Variants in FRMD6 observed in about 807,000 individuals in gnomAD.
FRMD6 encodes the protein FERM domain containing 6, also known as FERM domain-containing protein 6.
In FRMD6, 37 loss-of-function variants were observed where a neutral mutation model predicts 73.2. The observed-to-expected ratio is 0.51, with a 90% CI of 0.39 to 0.66. The LOEUF is 0.66. Among genes scored for constraint, FRMD6 ranks in the 30% least tolerant of loss-of-function variants. The pLI, the probability that FRMD6 is intolerant of heterozygous loss-of-function variation, is 0.00. For synonymous variants in FRMD6, 273 were observed against 282.2 expected, an observed-to-expected ratio of 0.97 and a Z score of 0.33; for missense variants, 714 against 780.5, an observed-to-expected ratio of 0.91 and a Z score of 1.02.
the FRMD6 span, among the ~76,000 whole-genome samples, chr14:51,416,042 T>A: frequency 6.6e-6 from 1 of 152,206 alleles, no homozygotes; most frequent in African/African-American, 2.4e-5. Context: ...TTCTTCTCTC[T>A]TTTCTTCTTT....
intron 5 of FRMD6, among the ~76,000 whole-genome samples, chr14:51,704,070 G>A (rs1156824236): frequency 6.6e-6 from 1 of 151,900 alleles, no homozygotes; most frequent in Non-Finnish European, 1.5e-5. Flanking sequence ...TCCTTTTGTG[G>A]GGAGTATAAT....
intron 2 of FRMD6, among the ~76,000 whole-genome samples, chr14:51,693,260 C>T (rs570782510): frequency 6.6e-6 from 1 of 152,284 alleles, no homozygotes; most frequent in South Asian, 2.1e-4. Context: ...GATTAACACT[C>T]AGCATAATTT....
Position 51,715,648 on chromosome 14 carries a change from A to G in FRMD6, c.1024+149A>G, listed in dbSNP as rs368674956. On this transcript the variant is annotated intron_variant, in intron 10 of 13. Transcript: ENST00000344768. ...GCAGCATTACTATTTACATCTCAGTATTTCCAGAAGGCAAAGGGTTAGGCT... is the reference window on the plus strand; with the variant it reads ...GCAGCATTACTATTTACATCTCAGTGTTTCCAGAAGGCAAAGGGTTAGGCT... The G allele has an allele frequency of 2.2e-4, 128 of 574,912 alleles. No homozygotes were observed. In the African/African-American group the frequency reaches 2.3e-3, roughly 10 times the overall value. The allele number at this position is 574,912 out of a possible 1,614,324, so 35.6% of individuals were successfully genotyped here.
chr14:51,558,706 G>T (rs1488405377), intron 1 of FRMD6, among the ~76,000 whole-genome samples: 1 of 151,900 alleles, frequency 6.6e-6, no homozygotes, highest in African/African-American at 2.4e-5. Flanking sequence ...ATGAATATCA[G>T]TTACTATATA....
the FRMD6 span, among the ~76,000 whole-genome samples, chr14:51,410,377 A>T: frequency 6.6e-6 from 1 of 152,204 alleles, no homozygotes; most frequent in Non-Finnish European, 1.5e-5. Flanking sequence ...TTTTTCTGTC[A>T]TACCTATGGA....
In FRMD6 at chr14:51,713,458, C is replaced by CA. The variant is rs5808631; in HGVS notation, c.849+926dup. The stretch of plus-strand genomic sequence containing the variant: ...AGGTAACAAGAGTGCAACTCCATCT[C>CA]AAAAAAAAAAAAAAAAAAATCGTAG... On this transcript the variant is annotated intron_variant, in intron 9 of 13. Coordinates refer to ENST00000344768, the MANE Select transcript of FRMD6 (RefSeq NM_001267046.2). 4.4e-3 allele frequency among the ~76,000 whole-genome samples: 496 copies of CA among 111,800 alleles called. 3 individuals carry two copies. The highest frequency in any genetic ancestry group is 0.027 in the East Asian group (103 of 3,808). The allele number at this position is 111,800 out of a possible 152,430, so 73.3% of individuals were successfully genotyped here.
At chr14:51,477,904 A>G in the FRMD6 span, among the ~76,000 whole-genome samples, 2 of 151,836 alleles carry the variant, frequency 1.3e-5, no homozygotes, top group Non-Finnish European at 2.9e-5. Flanking sequence ...CATGCTGGCT[A>G]ATTTTGTATT....
chr14:51,675,310 G>A (rs1894310164), intron 1 of FRMD6, among the ~76,000 whole-genome samples: 2 of 152,024 alleles, frequency 1.3e-5, no homozygotes, highest in Admixed American at 6.6e-5. Flanking sequence ...TGTTTCTATG[G>A]AATAACAGAA....
chr14:51,544,896 C>T (rs1411572939), intron 1 of FRMD6, among the ~76,000 whole-genome samples: 6 of 152,036 alleles, frequency 3.9e-5, no homozygotes, highest in Non-Finnish European at 8.8e-5. Flanking sequence ...ACACTACACA[C>T]ACGTGTATAA....
chr14:51,570,067 G>C (rs2357111), intron 1 of FRMD6, among the ~76,000 whole-genome samples: 19 of 151,840 alleles, frequency 1.3e-4, no homozygotes, highest in Admixed American at 5.2e-4. Flanking sequence ...TGCCCACCTT[G>C]GCCTCCCAAA....
At chr14:51,527,557 G>T (rs1038764163) in intron 1 of FRMD6, among the ~76,000 whole-genome samples, 1 of 152,130 alleles carries the variant, frequency 6.6e-6, no homozygotes, top group Non-Finnish European at 1.5e-5. Context: ...GCTTCTCATA[G>T]AAACAACATT....
chr14:51,459,849 C>G, the FRMD6 span, among the ~76,000 whole-genome samples: 8 of 106,296 alleles, frequency 7.5e-5, no homozygotes, highest in Non-Finnish European at 5.6e-5. Context: ...AAAAAAAAAG[C>G]TGACGCATAC....
chr14:51,593,839 A>G (rs1024645751), intron 2 of FRMD6, among the ~76,000 whole-genome samples: 1 of 152,176 alleles, frequency 6.6e-6, no homozygotes, highest in African/African-American at 2.4e-5. Context: ...ACACACATAT[A>G]TCTATATATA....
intron 1 of FRMD6, among the ~76,000 whole-genome samples, chr14:51,553,317 A>T (rs777206040): frequency 4.6e-5 from 7 of 152,230 alleles, no homozygotes; most frequent in Non-Finnish European, 1.0e-4. Flanking sequence ...ACTCTGCAGG[A>T]TGGGAACATA....
At chr14:51,615,867 A>G (rs1236268598) in intron 2 of FRMD6, among the ~76,000 whole-genome samples, 2 of 152,208 alleles carry the variant, frequency 1.3e-5, no homozygotes, top group Non-Finnish European at 2.9e-5. Context: ...ATATAACCAG[A>G]GCACAAAGAA....
intron 1 of FRMD6, among the ~76,000 whole-genome samples, chr14:51,513,744 T>A (rs1306887306): frequency 1.1e-5 from 1 of 94,218 alleles, no homozygotes; most frequent in Admixed American, 1.1e-4. Flanking sequence ...GGCTGAAGCC[T>A]CTCTGAAATT....
the FRMD6 span, among the ~76,000 whole-genome samples, chr14:51,429,616 A>G: frequency 2.2e-3 from 334 of 152,330 alleles, no homozygotes; most frequent in Non-Finnish European, 3.7e-3. Flanking sequence ...CCCATTTAAC[A>G]TTCAATTAAG....
chr14:51,420,298 A>C, the FRMD6 span, among the ~76,000 whole-genome samples: 2 of 152,196 alleles, frequency 1.3e-5, no homozygotes, highest in African/African-American at 4.8e-5. Context: ...GTGGTTAAAA[A>C]ATTTGGGCAC....
the FRMD6 span, among the ~76,000 whole-genome samples, chr14:51,482,558 A>C: frequency 6.6e-6 from 1 of 152,238 alleles, no homozygotes; most frequent in Non-Finnish European, 1.5e-5. Context: ...AGTGAAATTC[A>C]GGAAAGCCGC....
Sources: allele counts gnomAD v4.1 joint callset (sites outside exome capture counted in the v4.1 genomes callset), GRCh38; gene constraint gnomAD v4.1.1; transcripts MANE v1.5; gene names NCBI Gene and HGNC (gene_info 2026-07-23, HGNC 2026-07-21).